The following GOLGA8A variants were observed in gnomAD, a reference collection of about 807,000 sequenced individuals.
GOLGA8A encodes the protein golgin A8 family member A.
A neutral mutation model predicts 22.1 loss-of-function variants in GOLGA8A; 3 were observed. The observed-to-expected ratio is 0.14, with a 90% CI of 0.06 to 0.35. The LOEUF is 0.35. GOLGA8A is among the 10% of genes least tolerant of loss of function. The pLI is 1.00. For missense variants in GOLGA8A, 16 were observed against 233.2 expected, an observed-to-expected ratio of 0.07 and a Z score of 6.07; for synonymous variants, 7 against 91.7, an observed-to-expected ratio of 0.08 and a Z score of 5.28.
Position 34,381,865 on chromosome 15 carries a change from A to ACGTC in GOLGA8A, c.1454-10_1454-9insGACG. The ACGTC allele has an allele frequency of 1.7e-6, 1 of 571,452 alleles. No homozygotes were observed. The highest frequency in any genetic ancestry group is 3.3e-5 in the Admixed American group (1 of 29,966). 35.4% of individuals were successfully genotyped at this position (571,452 alleles called of 1,614,324 possible). A position where few individuals can be genotyped will look rare whatever the true frequency, so the allele number is the denominator to read the frequency against. ...AGCTCCAGCAGCTTCACCTGAAGGG[A>ACGTC]CGGGTGCTCAGCTGTCAGGCCGCTG... On this transcript the variant is annotated splice_polypyrimidine_tract_variant and intron_variant, in intron 23 of 24. Transcript: ENST00000359187.
intron 2 of GOLGA8A, among the ~76,000 whole-genome samples, chr15:34,421,660 C>T (rs1425505976): frequency 6.9e-6 from 1 of 143,948 alleles, no homozygotes; most frequent in African/African-American, 2.5e-5. Flanking sequence ...GCTAACCCCA[C>T]TGAGATGAAA....
At position 34,425,444 on chromosome 15, in the gene GOLGA8A, C is replaced by T. The variant is rs151169835; in HGVS notation, c.-1123+9939G>A. Among the ~76,000 whole-genome samples the T allele has an allele frequency of 4.9e-5, 7 of 142,642 alleles. No individual in the cohort carries two copies. In the Admixed American group the frequency reaches 5.1e-4, roughly 10 times the overall value. 93.6% of individuals were successfully genotyped at this position (142,642 alleles called of 152,430 possible). A position where few individuals can be genotyped will look rare whatever the true frequency, so the allele number is the denominator to read the frequency against. On this transcript the variant is annotated intron_variant, in intron 2 of 24. Transcript: ENST00000359187. ...ACCGTATCTAAAATACATTTTAGAT[C>T]AAAGAAGAGATGTAAATGTAAAAAA...
intron 2 of GOLGA8A, chr15:34,428,636 C>T (rs1197752038): frequency 1.4e-5 from 2 of 147,996 alleles, no homozygotes; most frequent in Non-Finnish European, 3.0e-5. Flanking sequence ...GGACCTCTGA[C>T]GCTTCACATT....
intron 2 of GOLGA8A, chr15:34,417,549 T>C (rs1353904643): frequency 7.0e-6 from 1 of 142,516 alleles, no homozygotes; most frequent in Non-Finnish European, 1.5e-5. Context: ...CAATTCTATG[T>C]AGAAATATAA....
rs1891395201 is a variant in GOLGA8A, at chr15:34,379,916, CG to C, written c.*1494del. On this transcript the variant is annotated 3_prime_UTR_variant, in exon 25 of 25. Coordinates refer to ENST00000359187, the MANE Select transcript of GOLGA8A (RefSeq NM_181077.5). ...TGACTGAAAATGAGAGGTACAAAAA[CG>C]TATTTCACTCTTCGTAAAGAAGTTT... The C allele has an allele frequency of 3.9e-5, 6 of 152,752 alleles. No homozygotes were observed. The South Asian group carries it at 1.2e-3, about 32-fold the overall frequency. The allele number at this position is 152,752 out of a possible 1,614,324, so 9.5% of individuals were successfully genotyped here. A position where few individuals can be genotyped will look rare whatever the true frequency, so the allele number is the denominator to read the frequency against.
chr15:34,436,575 G>T (rs745915753), intron 1 of GOLGA8A, among the ~76,000 whole-genome samples: 2 of 150,146 alleles, frequency 1.3e-5, no homozygotes, highest in African/African-American at 4.9e-5. Context: ...GGTGCTGCAG[G>T]ACAGGCCCCT....
chr15:34,425,513 A>G (rs538689019), intron 2 of GOLGA8A, among the ~76,000 whole-genome samples: 1 of 145,694 alleles, frequency 6.9e-6, no homozygotes, highest in South Asian at 2.4e-4. Context: ...GAGGGTGGTT[A>G]TATACATTAG....
intron 2 of GOLGA8A, among the ~76,000 whole-genome samples, chr15:34,433,866 A>G (rs1239451746): frequency 6.7e-6 from 1 of 149,538 alleles, no homozygotes; most frequent in African/African-American, 2.5e-5. Flanking sequence ...ACACAAAGCA[A>G]GGTTAACAAG....
chr15:34,420,506 A>G (rs1451018420), intron 2 of GOLGA8A, among the ~76,000 whole-genome samples: 1 of 144,870 alleles, frequency 6.9e-6, no homozygotes, highest in Non-Finnish European at 1.5e-5. Flanking sequence ...ACAGGCCTGC[A>G]CTCACGGGTC....
chr15:34,421,764 A>G (rs1420922045), intron 2 of GOLGA8A, among the ~76,000 whole-genome samples: 1 of 135,676 alleles, frequency 7.4e-6, no homozygotes, highest in African/African-American at 2.8e-5. Flanking sequence ...ACTCATGCCC[A>G]GCTAACCTGG....
chr15:34,431,742 G>A (rs907278984), intron 2 of GOLGA8A, among the ~76,000 whole-genome samples: 3 of 148,410 alleles, frequency 2.0e-5, no homozygotes, highest in Non-Finnish European at 3.0e-5. Flanking sequence ...AGACTTTATA[G>A]ACATTGTATA....
chr15:34,436,480 G>A lies in GOLGA8A; in HGVS notation c.-1212+918C>T, dbSNP rs144319314. On this transcript the variant is annotated intron_variant, in intron 1 of 24. Coordinates refer to ENST00000359187, the MANE Select transcript of GOLGA8A (RefSeq NM_181077.5). ...GGTGCCTGCCAGGTCGTTATCTGAA[G>A]AGATCTGAAAAAGTAAGCCTTTCTT... is the stretch of plus-strand genomic sequence containing the variant. Among the ~76,000 whole-genome samples, 21 of 149,646 alleles carry A rather than the reference G, an allele frequency of 1.4e-4. 2 individuals are homozygous for A. The highest frequency in any genetic ancestry group is 3.9e-4 in the African/African-American group (16 of 40,570).
At chr15:34,400,880 AACT>A (rs1892036207) in intron 5 of GOLGA8A, 121 bp from the exon 6 acceptor site, 1 of 115,050 alleles carries the variant, frequency 8.7e-6, no homozygotes, top group African/African-American at 2.8e-5. Flanking sequence ...GCTTTTAGAA[AACT>A]ACTACCATCC....
At chr15:34,425,388 T>TAA (rs72034325) in intron 2 of GOLGA8A, among the ~76,000 whole-genome samples, 2,998 of 129,290 alleles carry the variant, frequency 0.023, 212 homozygotes, top group South Asian at 0.041. Context: ...TGGAATCCTA[T>TAA]AAAAAAAAAA....
rs1293105626 is a variant in GOLGA8A, at chr15:34,428,896, TTAAA to T, written c.-1123+6483_-1123+6486del. The T allele has an allele frequency of 2.8e-4, 12 of 42,434 alleles. 1 individual carries two copies. Among genetic ancestry groups the T allele is most frequent in the South Asian group, 2.2e-3 (4 of 1,806 alleles). 2.6% of individuals were successfully genotyped at this position (42,434 alleles called of 1,614,324 possible). On this transcript the variant is annotated intron_variant, in intron 2 of 24. Coordinates refer to ENST00000359187, the MANE Select transcript of GOLGA8A (RefSeq NM_181077.5). ...AATCTACAAATCCTGTAAATCCTTG[TTAAA>T]AAAAAAAAAAAAAAAAAAGAAGGGT...
chr15:34,386,373 A>T (rs1292992894), intron 12 of GOLGA8A, among the ~76,000 whole-genome samples: 2 of 137,392 alleles, frequency 1.5e-5, no homozygotes, highest in African/African-American at 6.3e-5. Context: ...CTTCCCCAAG[A>T]GGCAACAACC....
chr15:34,416,798 CA>C (rs1370201538), intron 2 of GOLGA8A: 1 of 63,058 alleles, frequency 1.6e-5, no homozygotes, highest in Admixed American at 2.2e-4. Context: ...GACATTGTCT[CA>C]AAAAATAAAT....
chr15:34,433,372 T>A (rs536932974), intron 2 of GOLGA8A, among the ~76,000 whole-genome samples: 1 of 148,970 alleles, frequency 6.7e-6, no homozygotes, highest in African/African-American at 2.5e-5. Context: ...AGCGCTGACT[T>A]TGGCAGCAGG....
chr15:34,437,468 TCCTCG>T lies in GOLGA8A; in HGVS notation c.-1287_-1283del, dbSNP rs2140303932. 1.3e-5 allele frequency: 1 copy of T among 79,670 alleles called. No homozygotes were observed. Among genetic ancestry groups the T allele is most frequent in the East Asian group, 4.1e-4 (1 of 2,434 alleles). The allele number at this position is 79,670 out of a possible 1,614,324, so 4.9% of individuals were successfully genotyped here. A position where few individuals can be genotyped will look rare whatever the true frequency, so the allele number is the denominator to read the frequency against. On this transcript the variant is annotated 5_prime_UTR_variant, in exon 1 of 25. Coordinates refer to ENST00000359187, the MANE Select transcript of GOLGA8A (RefSeq NM_181077.5). ...CGCCGCCGTCCTCGCCGCGCCGCCGTCCTCGCCGCGCCGCCGTCCTCGCCGCGCCG... is the reference window on the plus strand; with the variant it reads ...CGCCGCCGTCCTCGCCGCGCCGCCGTCCGCGCCGCCGTCCTCGCCGCGCCG...
Sources: gnomAD v4.1 joint callset for allele counts (sites outside exome capture counted in the v4.1 genomes callset) on GRCh38, gnomAD v4.1.1 for gene constraint, MANE v1.5 for transcripts, NCBI Gene and HGNC (gene_info 2026-07-23, HGNC 2026-07-21) for gene names.